The following NLGN1 variants were observed in gnomAD, a reference collection of about 807,000 sequenced individuals.
The protein encoded by NLGN1 is neuroligin 1.
In NLGN1, 12 loss-of-function variants were observed where a neutral mutation model predicts 65.5. The ratio of observed to expected loss-of-function variants is 0.18; its 90% confidence interval spans 0.12 to 0.30. NLGN1 has a LOEUF of 0.30. Among genes scored for constraint, NLGN1 ranks in the 10% least tolerant of loss-of-function variants. The pLI, the probability that NLGN1 is intolerant of heterozygous loss-of-function variation, is 1.00. For synonymous variants in NLGN1, 350 were observed against 359.5 expected, an observed-to-expected ratio of 0.97 and a Z score of 0.30; for missense variants, 750 against 1,007.1, an observed-to-expected ratio of 0.74 and a Z score of 3.46.
rs532830379 is a variant in NLGN1 at position 173,414,012 on chromosome 3, A to G, written c.-390+15525A>G. On this transcript the variant is annotated intron_variant, in intron 1 of 6. Coordinates refer to ENST00000457714, the Ensembl canonical transcript of NLGN1. ...AGTGAATATCATGAGTCCACTGTGC[A>G]CACAGAAGATCCTGGGTTCGGGAAG... Among the ~76,000 whole-genome samples, 3 of 152,336 alleles carry G rather than the reference A, an allele frequency of 2.0e-5. No homozygotes were observed. The East Asian group carries it at 5.8e-4, about 29-fold the overall frequency.
intron 3 of NLGN1, among the ~76,000 whole-genome samples, chr3:173,645,317 C>T (rs1758072943): frequency 6.6e-6 from 1 of 152,230 alleles, no homozygotes; most frequent in African/African-American, 2.4e-5. Context: ...CTCCCTTGGC[C>T]TTTGGGGGCC....
intron 4 of NLGN1, among the ~76,000 whole-genome samples, chr3:174,029,823 C>T (rs1269061095): frequency 6.6e-6 from 1 of 152,120 alleles, no homozygotes. Context: ...AATGGGAGTT[C>T]CCCTGCACAA....
At chr3:174,207,122 G>T (rs190343345) in intron 4 of NLGN1, among the ~76,000 whole-genome samples, 1 of 150,920 alleles carries the variant, frequency 6.6e-6, no homozygotes, top group Non-Finnish European at 1.5e-5. Context: ...TCTTCTTCCA[G>T]AGTGGTGAGA....
At chr3:173,714,601 G>A (rs896631311) in intron 3 of NLGN1, among the ~76,000 whole-genome samples, 1 of 152,032 alleles carries the variant, frequency 6.6e-6, no homozygotes, top group African/African-American at 2.4e-5. Context: ...CAAGTTAAGG[G>A]GAACCCATTT....
At chr3:173,894,852 G>A (rs1211641725) in intron 4 of NLGN1, among the ~76,000 whole-genome samples, 2 of 150,798 alleles carry the variant, frequency 1.3e-5, no homozygotes, top group Admixed American at 1.3e-4. Context: ...GGCCAGGCTG[G>A]TGTCGAACTC....
At chr3:174,222,190 G>A (rs1322169238) in intron 4 of NLGN1, among the ~76,000 whole-genome samples, 1 of 151,996 alleles carries the variant, frequency 6.6e-6, no homozygotes, top group Non-Finnish European at 1.5e-5. Flanking sequence ...GTTATTGCGT[G>A]TATATACTAT....
chr3:173,845,884 T>G (rs1350452027), intron 4 of NLGN1, among the ~76,000 whole-genome samples: 2 of 152,166 alleles, frequency 1.3e-5, no homozygotes, highest in Non-Finnish European at 2.9e-5. Flanking sequence ...TTCGATATCA[T>G]AGTATTCAGT....
At chr3:173,700,204 A>G (rs557964823) in intron 3 of NLGN1, among the ~76,000 whole-genome samples, 1 of 152,358 alleles carries the variant, frequency 6.6e-6, no homozygotes, top group African/African-American at 2.4e-5. Flanking sequence ...ATTATTGTAA[A>G]TGCGTTCATA....
At chr3:174,154,998 AT>A (rs1725156390) in intron 4 of NLGN1, among the ~76,000 whole-genome samples, 1 of 70,620 alleles carries the variant, frequency 1.4e-5, no homozygotes. Flanking sequence ...TATATTATAT[AT>A]ATTTATATAT....
intron 3 of NLGN1, among the ~76,000 whole-genome samples, chr3:173,791,323 T>C (rs776828621): frequency 3.3e-5 from 5 of 152,226 alleles, no homozygotes; most frequent in Non-Finnish European, 5.9e-5. Context: ...CCATTAGCCC[T>C]AGCTACTCTT....
At chr3:173,406,917 C>CT (rs1298640473) in intron 1 of NLGN1, among the ~76,000 whole-genome samples, 2 of 152,112 alleles carry the variant, frequency 1.3e-5, no homozygotes, top group African/African-American at 2.4e-5. Flanking sequence ...GAAAATCCTT[C>CT]TTTTTTATTT....
At chr3:173,559,404 A>G (rs892186926) in intron 2 of NLGN1, among the ~76,000 whole-genome samples, 1 of 152,196 alleles carries the variant, frequency 6.6e-6, no homozygotes, top group African/African-American at 2.4e-5. Context: ...GTCTGCCTAT[A>G]CATAGACTAA....
intron 2 of NLGN1, among the ~76,000 whole-genome samples, chr3:173,495,679 TGA>T (rs1729892015): frequency 3.1e-5 from 1 of 32,702 alleles, no homozygotes. Context: ...GAGTCTTTTT[TGA>T]AAAAAAAAAA....
At chr3:173,608,813 G>A (rs550839097) in intron 3 of NLGN1, among the ~76,000 whole-genome samples, 4 of 151,586 alleles carry the variant, frequency 2.6e-5, no homozygotes, top group South Asian at 2.1e-4. Context: ...TCAGTTGACC[G>A]TATTTTAGAC....
At chr3:173,789,006 G>A (rs760975832) in intron 3 of NLGN1, among the ~76,000 whole-genome samples, 4 of 151,920 alleles carry the variant, frequency 2.6e-5, no homozygotes, top group Non-Finnish European at 5.9e-5. Flanking sequence ...GACCAACCTG[G>A]CCAATATGGT....
At chr3:173,876,720 T>G (rs2150900713) in intron 4 of NLGN1, among the ~76,000 whole-genome samples, 1 of 151,986 alleles carries the variant, frequency 6.6e-6, no homozygotes, top group South Asian at 2.1e-4. Flanking sequence ...GTGGCCAAAG[T>G]TGGAACAACT....
chr3:174,151,813 C>T (rs1328121735), intron 4 of NLGN1, among the ~76,000 whole-genome samples: 3 of 152,050 alleles, frequency 2.0e-5, no homozygotes, highest in Admixed American at 6.6e-5. Context: ...CTAAAGTCTT[C>T]GAAAGAGTTC....
At chr3:173,803,604 T>A (rs1175734057) in intron 3 of NLGN1, among the ~76,000 whole-genome samples, 2 of 151,996 alleles carry the variant, frequency 1.3e-5, no homozygotes, top group African/African-American at 2.4e-5. Context: ...TGAGATTCTG[T>A]CAAACAAAAA....
chr3:173,983,404 G>A (rs904257478), intron 4 of NLGN1, among the ~76,000 whole-genome samples: 2 of 152,144 alleles, frequency 1.3e-5, no homozygotes, highest in East Asian at 3.9e-4. Context: ...AATGCTTCTG[G>A]TCGAGTCCAG....
Sources: allele counts gnomAD v4.1 joint callset (sites outside exome capture counted in the v4.1 genomes callset), GRCh38; gene constraint gnomAD v4.1.1; transcripts MANE v1.5; gene names NCBI Gene and HGNC (gene_info 2026-07-23, HGNC 2026-07-21).